MYH10: variants seen among roughly 807,000 people sequenced by gnomAD.
MYH10 encodes the protein myosin-10.
A neutral mutation model predicts 257.8 loss-of-function variants in MYH10; 55 were observed. That is an observed-to-expected ratio of 0.21 (90% CI 0.17 to 0.27). The LOEUF is 0.27. Ranked by LOEUF, MYH10 falls within the 10% of genes least tolerant of loss-of-function variation. MYH10 has a pLI of 1.00. For synonymous variants in MYH10, 854 were observed against 921.7 expected (o/e 0.93, Z 1.33); for missense variants, 1,631 against 2,500.6 (o/e 0.65, Z 7.42).
chr17:8,475,526 G>A lies in MYH10; in HGVS notation c.*278C>T, dbSNP rs1212834669. 3 of 347,342 alleles carry A rather than the reference G, an allele frequency of 8.6e-6. No individual in the cohort carries two copies. Among genetic ancestry groups the A allele is most frequent in the African/African-American group, 6.3e-5 (3 of 47,666 alleles). The allele number at this position is 347,342 out of a possible 1,614,324, so 21.5% of individuals were successfully genotyped here. A position where few individuals can be genotyped will look rare whatever the true frequency, so the allele number is the denominator to read the frequency against. ...TTTGTTTTAAAAAGGGTCTTACCAT[G>A]TTTTATAAAATGGTCTCTTGATGAC... On this transcript the variant is annotated 3_prime_UTR_variant, in exon 43 of 43. Coordinates refer to ENST00000360416, the MANE Select transcript of MYH10 (RefSeq NM_001256012.3).
chr17:8,561,273 G>A (rs1204685580), intron 7 of MYH10: 21 of 1,012,338 alleles, frequency 2.1e-5, no homozygotes, highest in African/African-American at 3.1e-5. Flanking sequence ...GAAAAGGGCC[G>A]CGGCCACGTG....
chr17:8,628,983 T>C (rs2085787831), intron 1 of MYH10, among the ~76,000 whole-genome samples: 1 of 152,078 alleles, frequency 6.6e-6, no homozygotes, highest in African/African-American at 2.4e-5. Flanking sequence ...TTTCTCCAGA[T>C]AAGGACGGGG....
chr17:8,598,043 G>T (rs868764280), intron 3 of MYH10, among the ~76,000 whole-genome samples: 1 of 152,002 alleles, frequency 6.6e-6, no homozygotes, highest in Non-Finnish European at 1.5e-5. Context: ...TGCAGTGGGC[G>T]TGATCTCAGC....
chr17:8,612,468 A>G (rs2085078481), intron 2 of MYH10, among the ~76,000 whole-genome samples: 1 of 152,170 alleles, frequency 6.6e-6, no homozygotes, highest in Non-Finnish European at 1.5e-5. Flanking sequence ...CCACTTACAT[A>G]ACTTTTATTA....
rs2081088541 is a variant in MYH10, at chr17:8,506,826, G to A, written c.3215-337C>T. ...ATCACTGTACCCAGGTTTGCAAAGT[G>A]GCTCAGCAGGTGCTGGGGCAGCAAT... On this transcript the variant is annotated intron_variant, in intron 26 of 42. Coordinates refer to ENST00000360416, the MANE Select transcript of MYH10 (RefSeq NM_001256012.3). This position sits in a 1 kb window ranked among gnomAD's most constrained non-coding sequence, Gnocchi z 5.0. Among the ~76,000 whole-genome samples the A allele has an allele frequency of 6.6e-6, 1 of 152,190 alleles. No homozygotes were observed. The highest frequency in any genetic ancestry group is 2.4e-5 in the African/African-American group (1 of 41,460).
intron 12 of MYH10, 110 bp downstream of exon 12, chr17:8,546,434 C>A: frequency 2.5e-6 from 2 of 804,612 alleles, no homozygotes; most frequent in East Asian, 2.7e-5. Flanking sequence ...TAAAAACACC[C>A]ATGTAAGACA....
In MYH10 at chr17:8,612,724, G is replaced by A. The variant is rs905442576; in HGVS notation, c.346-7742C>T. On this transcript the variant is annotated intron_variant, in intron 2 of 42. Coordinates refer to ENST00000360416, the MANE Select transcript of MYH10 (RefSeq NM_001256012.3). ...AAATTAGCCAGGCGTGGTGGCGCAC[G>A]CCTGTAATCCCCGCTACTCAAGAGG... 5.3e-5 allele frequency among the ~76,000 whole-genome samples: 8 copies of A among 152,116 alleles called. No homozygotes were observed. In the East Asian group the frequency reaches 5.8e-4, roughly 11 times the overall value.
At chr17:8,625,222 G>A (rs1161364356) in intron 1 of MYH10, among the ~76,000 whole-genome samples, 2 of 152,174 alleles carry the variant, frequency 1.3e-5, no homozygotes, top group Non-Finnish European at 2.9e-5. Context: ...CTGCACTCCA[G>A]GCTGGGTGAC....
At chr17:8,610,515 A>G (rs1449250327) in intron 2 of MYH10, among the ~76,000 whole-genome samples, 1 of 152,192 alleles carries the variant, frequency 6.6e-6, no homozygotes, top group Non-Finnish European at 1.5e-5. Flanking sequence ...CTATGCTTTG[A>G]CTGTGTCCCC....
Position 8,476,949 on chromosome 17 carries a change from G to A in MYH10, c.5806C>T (p.Arg1936Trp), listed in dbSNP as rs768468013. 2.5e-6 allele frequency: 4 copies of A among 1,613,692 alleles called. No individual in the cohort carries two copies. Among genetic ancestry groups the A allele is most frequent in the Non-Finnish European group, 3.4e-6 (4 of 1,180,042 alleles). ...GCCTCGGTGGCATCATCCAGTTCCC[G>A]CTGGAGTTTACGCCGAGATGCGTTG... ...RANASRRKLQ[R>W]ELDDATEANE... is the part of the protein sequence containing the mutation. The change falls in exon 42 of 43, where the codon CGG becomes TGG. Residue 1936 changes from arginine to tryptophan, a missense_variant. Arg to Trp is a moderately radical substitution (Grantham distance 101). Transcript: ENST00000360416.
chr17:8,630,080 C>T lies in MYH10; in HGVS notation c.-32+574G>A, dbSNP rs1489845237. On this transcript the variant is annotated intron_variant, in intron 1 of 42. Coordinates refer to ENST00000360416, the MANE Select transcript of MYH10 (RefSeq NM_001256012.3). ...GCTGCGGGGGACCGGTCGCGCCAGG[C>T]CTAACCCACCCAGCAACCCACGCAG... 4.6e-5 allele frequency among the ~76,000 whole-genome samples: 7 copies of T among 152,164 alleles called. No individual in the cohort carries two copies. In the East Asian group the frequency reaches 1.4e-3, roughly 30 times the overall value.
chr17:8,513,760 T>A (rs1486644718), intron 22 of MYH10, 26 bp downstream of exon 22: 1 of 1,612,972 alleles, frequency 6.2e-7, no homozygotes, highest in Non-Finnish European at 8.5e-7. Context: ...TTGAAAGGGA[T>A]CTGGAAAGAA....
intron 23 of MYH10, among the ~76,000 whole-genome samples, 191 bp from the exon 24 acceptor site, chr17:8,512,848 C>T (rs911788379): frequency 6.6e-6 from 1 of 152,072 alleles, no homozygotes; most frequent in African/African-American, 2.4e-5. Context: ...TTGGTTGTTC[C>T]TGTTGTCTCA....
intron 7 of MYH10, among the ~76,000 whole-genome samples, chr17:8,557,044 C>T (rs1002074238): frequency 1.3e-5 from 2 of 152,052 alleles, no homozygotes; most frequent in Non-Finnish European, 1.5e-5. Context: ...CTTTTACTTA[C>T]GACTTTAGGG....
At chr17:8,625,471 G>C (rs181813546) in intron 1 of MYH10, among the ~76,000 whole-genome samples, 1 of 143,696 alleles carries the variant, frequency 7.0e-6, no homozygotes, top group East Asian at 2.0e-4. Context: ...ATAGGGTAGA[G>C]CCTGAGAACT....
chr17:8,581,345 C>A (rs1054541523), intron 4 of MYH10, among the ~76,000 whole-genome samples: 3 of 151,830 alleles, frequency 2.0e-5, no homozygotes, highest in Admixed American at 6.6e-5. Flanking sequence ...CTTATTACAC[C>A]AAGAAATGGG....
At position 8,545,408 on chromosome 17, in the gene MYH10, CA is replaced by C. The variant is rs1229877803; in HGVS notation, c.1431+39del. On this transcript the variant is annotated intron_variant, in intron 13 of 42. Coordinates refer to ENST00000360416, the MANE Select transcript of MYH10 (RefSeq NM_001256012.3). The surrounding 1 kb of genome is among the most constrained non-coding windows in gnomAD (Gnocchi z 4.7). Reference sequence around the variant, plus strand: ...CCTTCATATTTGTTAAAAGAACAAACAAAAAGAAGGACGAGCTAGAGGAAGA... The same window carrying C: ...CCTTCATATTTGTTAAAAGAACAAACAAAAGAAGGACGAGCTAGAGGAAGA... The C allele has an allele frequency of 1.9e-6, 3 of 1,605,334 alleles. No homozygotes were observed. In the South Asian group the frequency reaches 3.3e-5, roughly 18 times the overall value.
At chr17:8,607,700 T>G (rs889960224) in intron 2 of MYH10, among the ~76,000 whole-genome samples, 9 of 152,194 alleles carry the variant, frequency 5.9e-5, no homozygotes, top group African/African-American at 2.2e-4. Context: ...AAAGTTCAAA[T>G]GAACTTAACT....
intron 3 of MYH10, 82 bp from the exon 4 acceptor site, chr17:8,589,190 G>A: frequency 7.1e-7 from 1 of 1,416,880 alleles, no homozygotes; most frequent in Admixed American, 1.9e-5. Context: ...TAAAGTTGCA[G>A]TAATAGCCTA....
Sources: gnomAD v4.1 joint callset for allele counts (sites outside exome capture counted in the v4.1 genomes callset) on GRCh38, gnomAD v4.1.1 for gene constraint, Gnocchi (gnomAD v3.1) non-coding constraint, MANE v1.5 for transcripts, NCBI Gene and HGNC (gene_info 2026-07-23, HGNC 2026-07-21) for gene names.